Variants in EVI5 observed in about 807,000 individuals in gnomAD.
The protein encoded by EVI5 is ecotropic viral integration site 5 protein homolog.
Under a neutral mutation model 112.0 loss-of-function variants are expected in EVI5, and 73 were observed. The observed-to-expected ratio is 0.65, with a 90% CI of 0.54 to 0.79. EVI5 has a LOEUF of 0.79. Ranked by LOEUF, EVI5 falls within the 30% of genes least tolerant of loss-of-function variation. The probability of loss-of-function intolerance (pLI) is 0.00; values close to 1 mark genes in which losing one functional copy is unlikely to be tolerated. For missense variants in EVI5, 900 were observed against 968.8 expected, an observed-to-expected ratio of 0.93 and a Z score of 0.94; for synonymous variants, 305 against 319.9, an observed-to-expected ratio of 0.95 and a Z score of 0.50.
At chr1:92,600,059 G>T (rs558280821) in intron 18 of EVI5, among the ~76,000 whole-genome samples, 1 of 152,088 alleles carries the variant, frequency 6.6e-6, no homozygotes, top group South Asian at 2.1e-4. Context: ...ATGAACTAAC[G>T]GAGTGGTAGG....
intron 10 of EVI5, among the ~76,000 whole-genome samples, chr1:92,673,646 A>G (rs1440473519): frequency 2.0e-5 from 3 of 152,140 alleles, no homozygotes; most frequent in Middle Eastern, 3.2e-3. Flanking sequence ...TAGAATTTTA[A>G]TATTTTTCAC....
intron 18 of EVI5, among the ~76,000 whole-genome samples, chr1:92,594,243 G>C (rs1477153405): frequency 1.3e-5 from 2 of 152,064 alleles, no homozygotes; most frequent in East Asian, 3.9e-4. Context: ...ACAGAACAGA[G>C]CCCTCAGAAA....
At chr1:92,756,598 C>A in intron 1 of EVI5, 1 of 502,262 alleles carries the variant, frequency 2.0e-6, no homozygotes. Flanking sequence ...ACAAGCAGGA[C>A]CTCAAATGGC....
chr1:92,719,154 C>T (rs1674312372), intron 2 of EVI5, among the ~76,000 whole-genome samples: 1 of 150,814 alleles, frequency 6.6e-6, no homozygotes, highest in African/African-American at 2.5e-5. Context: ...GAAAATATTC[C>T]AATCAATAGA....
At chr1:92,663,532 C>T in intron 11 of EVI5, 80 bp from the exon 12 acceptor site, 2 of 643,308 alleles carry the variant, frequency 3.1e-6, no homozygotes, top group Non-Finnish European at 2.5e-6. Context: ...AACAAATATA[C>T]CCAAATTCCA....
At chr1:92,675,721 C>T (rs1440888862) in intron 10 of EVI5, among the ~76,000 whole-genome samples, 1 of 152,040 alleles carries the variant, frequency 6.6e-6, no homozygotes, top group African/African-American at 2.4e-5. Flanking sequence ...CTTTGGGAGG[C>T]TAAGGCAGGT....
intron 13 of EVI5, among the ~76,000 whole-genome samples, chr1:92,656,859 A>C (rs1216895892): frequency 2.0e-5 from 3 of 152,206 alleles, no homozygotes; most frequent in Non-Finnish European, 2.9e-5. Context: ...AAAAAGACTA[A>C]TAATGAGTAG....
At chr1:92,772,169 T>G (rs35054144) in intron 1 of EVI5, among the ~76,000 whole-genome samples, 2 of 151,692 alleles carry the variant, frequency 1.3e-5, no homozygotes, top group Non-Finnish European at 2.9e-5. Flanking sequence ...TGTACCAGAA[T>G]AATCTTTCTA....
Position 92,767,267 on chromosome 1 carries a change from G to A in EVI5, c.-82+17569C>T, listed in dbSNP as rs552693726. 4.6e-5 allele frequency among the ~76,000 whole-genome samples: 7 copies of A among 152,194 alleles called. 1 individual carries two copies. The South Asian group carries it at 1.2e-3, about 27-fold the overall frequency. ...CTATTGTTGCTGTATGACAGTGCTT[G>A]TGCTCAAGTAATCCTTATTTTACTT... On this transcript the variant is annotated intron_variant, in intron 1 of 19. Transcript: ENST00000684568.
intron 16 of EVI5, among the ~76,000 whole-genome samples, chr1:92,620,797 A>T (rs1053794571): frequency 4.6e-5 from 7 of 152,164 alleles, no homozygotes; most frequent in African/African-American, 1.7e-4. Flanking sequence ...TGCACAAAGA[A>T]AGAGTGCTGA....
At chr1:92,547,388 A>G (rs900279539) in intron 19 of EVI5, among the ~76,000 whole-genome samples, 10 of 152,252 alleles carry the variant, frequency 6.6e-5, no homozygotes, top group African/African-American at 2.4e-4. Flanking sequence ...TGCCTACAAG[A>G]GAAAGCAGGA....
chr1:92,602,702 C>T (rs929028264), intron 18 of EVI5, among the ~76,000 whole-genome samples: 3 of 152,030 alleles, frequency 2.0e-5, no homozygotes, highest in Non-Finnish European at 4.4e-5. Flanking sequence ...TTACTGTGCC[C>T]TGTAAAAACA....
At chr1:92,708,897 T>C (rs185074018) in intron 2 of EVI5, among the ~76,000 whole-genome samples, 3 of 152,218 alleles carry the variant, frequency 2.0e-5, no homozygotes, top group East Asian at 1.9e-4. Flanking sequence ...ATATGAAATA[T>C]CTAGAAGAAA....
At chr1:92,711,083 A>G (rs940663804) in intron 2 of EVI5, among the ~76,000 whole-genome samples, 1 of 152,208 alleles carries the variant, frequency 6.6e-6, no homozygotes, top group Non-Finnish European at 1.5e-5. Flanking sequence ...GTATGGCAGC[A>G]TGCAGATGAT....
intron 1 of EVI5, among the ~76,000 whole-genome samples, chr1:92,738,520 TATTA>T (rs1305863308): frequency 6.6e-6 from 1 of 152,198 alleles, no homozygotes; most frequent in Non-Finnish European, 1.5e-5. Context: ...AAAAGACACC[TATTA>T]ATTGCTTTAT....
rs371132315 is a variant in EVI5, at chr1:92,695,228, A to C, written c.909+82T>G. Reference sequence around the variant, plus strand: ...TGCATGGGACACATGGCTTTCCTTCATTGCTCTCCTCATTGCCCTGCTCTC... The same window carrying C: ...TGCATGGGACACATGGCTTTCCTTCCTTGCTCTCCTCATTGCCCTGCTCTC... On this transcript the variant is annotated intron_variant, in intron 7 of 19. Transcript: ENST00000684568. 2.6e-5 allele frequency: 31 copies of C among 1,171,842 alleles called. No individual in the cohort carries two copies. The Admixed American group carries it at 5.6e-4, about 21-fold the overall frequency. 72.6% of individuals were successfully genotyped at this position (1,171,842 alleles called of 1,614,324 possible).
chr1:92,526,544 G>A (rs547549681), intron 19 of EVI5, among the ~76,000 whole-genome samples: 1 of 152,292 alleles, frequency 6.6e-6, no homozygotes, highest in South Asian at 2.1e-4. Flanking sequence ...TTTGGGTTAG[G>A]GGGAGTGACA....
rs1682753184 is a variant in EVI5 at position 92,767,115 on chromosome 1, A to G, written c.-82+17721T>C. Among the ~76,000 whole-genome samples the G allele has an allele frequency of 3.3e-5, 5 of 151,648 alleles. No individual in the cohort carries two copies. The South Asian group carries it at 1.0e-3, about 32-fold the overall frequency. On this transcript the variant is annotated intron_variant, in intron 1 of 19. Transcript: ENST00000684568. ...AAAAAAAAAAAAATCCAATTCATCA[A>G]TTCTAAATTATATGCCATCTGCCCT...
chr1:92,709,608 G>C (rs12048573), intron 2 of EVI5, among the ~76,000 whole-genome samples: 1 of 152,194 alleles, frequency 6.6e-6, no homozygotes, highest in Admixed American at 6.5e-5. Flanking sequence ...AAAAACTTTA[G>C]AATTTTTATA....
Sources: allele counts gnomAD v4.1 joint callset (sites outside exome capture counted in the v4.1 genomes callset), GRCh38; gene constraint gnomAD v4.1.1; transcripts MANE v1.5; gene names NCBI Gene and HGNC (gene_info 2026-07-23, HGNC 2026-07-21).